ITPRID1: variants seen among roughly 807,000 people sequenced by gnomAD.
ITPRID1 encodes ITPR interacting domain containing 1.
A neutral mutation model predicts 95.4 loss-of-function variants in ITPRID1; 96 were observed. The observed-to-expected ratio is 1.01, with a 90% CI of 0.85 to 1.19. ITPRID1 has a LOEUF of 1.19. ITPRID1 is among the 50% of genes most tolerant of loss of function. The pLI is 0.00. For missense variants in ITPRID1, 1,339 were observed against 1,252.9 expected, an observed-to-expected ratio of 1.07 and a Z score of -1.04; for synonymous variants, 510 against 453.6, an observed-to-expected ratio of 1.12 and a Z score of -1.58.
In ITPRID1 at chr7:31,577,998, C is replaced by T. The variant is rs868039425; in HGVS notation, c.734C>T (p.Ala245Val). Reference protein sequence around the residue: ...GESVQRTSVSAAKEHRRRMGK... With the variant: ...GESVQRTSVSVAKEHRRRMGK... ...AGTGTGCAAAGAACCTCAGTGAGTG[C>T]CGCCAAAGAGCATCGAAGAAGAATG... The change falls in exon 9 of 15, where the codon GCC becomes GTC. Residue 245 changes from alanine (A) to valine (V), a missense_variant. Transcript: ENST00000615280. 6.2e-7 allele frequency: 1 copy of T among 1,613,562 alleles called. No homozygotes were observed. The highest frequency in any genetic ancestry group is 1.7e-5 in the Admixed American group (1 of 59,948).
chr7:31,540,377 A>C (rs1432441142), intron 1 of ITPRID1, among the ~76,000 whole-genome samples: 14 of 152,216 alleles, frequency 9.2e-5, no homozygotes, highest in Non-Finnish European at 1.2e-4. Context: ...TTTTCAGTTC[A>C]TAGGGCTTCA....
chr7:31,638,899 C>T (rs1397637434), intron 10 of ITPRID1, among the ~76,000 whole-genome samples: 2 of 152,110 alleles, frequency 1.3e-5, no homozygotes, highest in African/African-American at 2.4e-5. Flanking sequence ...GCCTTAGCCT[C>T]CCAAGTAGCT....
chr7:31,604,524 G>T (rs922216394), intron 10 of ITPRID1, among the ~76,000 whole-genome samples: 4 of 152,166 alleles, frequency 2.6e-5, no homozygotes, highest in African/African-American at 9.7e-5. Context: ...TGTTCTAAGG[G>T]AGTATTAAAA....
chr7:31,516,497 G>C (rs1783044520), intron 1 of ITPRID1, among the ~76,000 whole-genome samples: 4 of 152,202 alleles, frequency 2.6e-5, no homozygotes, highest in Admixed American at 2.6e-4. Flanking sequence ...ATCCCAGGGA[G>C]GGTAGTAGAC....
chr7:31,533,585 T>C (rs1416189522), intron 1 of ITPRID1, among the ~76,000 whole-genome samples: 1 of 152,206 alleles, frequency 6.6e-6, no homozygotes, highest in Non-Finnish European at 1.5e-5. Context: ...ATTTCTTATG[T>C]TCCAATATAT....
Position 31,652,940 on chromosome 7 carries a change from A to T in ITPRID1, c.*111A>T. On this transcript the variant is annotated 3_prime_UTR_variant, in exon 15 of 15. Coordinates refer to ENST00000615280, the MANE Select transcript of ITPRID1 (RefSeq NM_001257967.3). ...AGGGTCTGCCAACCCATTGTCAGCTATATCTCTCATATTCTACCCTTTGGT... is the reference window on the plus strand; with the variant it reads ...AGGGTCTGCCAACCCATTGTCAGCTTTATCTCTCATATTCTACCCTTTGGT... 1 of 1,500,048 alleles carries T rather than the reference A, an allele frequency of 6.7e-7. No homozygotes were observed. Among genetic ancestry groups the T allele is most frequent in the Admixed American group, 2.3e-5 (1 of 42,700 alleles). The allele number at this position is 1,500,048 out of a possible 1,614,324, so 92.9% of individuals were successfully genotyped here.
At chr7:31,583,015 G>C (rs1785460232) in intron 9 of ITPRID1, 119 bp from the exon 10 acceptor site, 8 of 620,850 alleles carry the variant, frequency 1.3e-5, no homozygotes, top group Non-Finnish European at 2.0e-5. Context: ...CAAGTTATTT[G>C]AGTTCAGGAA....
At chr7:31,618,734 A>C (rs1053022958) in intron 10 of ITPRID1, among the ~76,000 whole-genome samples, 1 of 152,236 alleles carries the variant, frequency 6.6e-6, no homozygotes, top group African/African-American at 2.4e-5. Context: ...TTAAAAGCTA[A>C]GCAACTTGCT....
At position 31,643,246 on chromosome 7, in the gene ITPRID1, T is replaced by C; in HGVS notation, c.1876T>C (p.Cys626Arg). 2 of 1,613,848 alleles carry C rather than the reference T, an allele frequency of 1.2e-6. No homozygotes were observed. The highest frequency in any genetic ancestry group is 2.2e-5 in the South Asian group (2 of 91,068). Residue 626 changes from cysteine (C) to arginine (R), a missense_variant, in exon 12 of 15, where the codon TGT becomes CGT. Coordinates refer to ENST00000615280, the MANE Select transcript of ITPRID1 (RefSeq NM_001257967.3). ...ACGAGAAGAGGAAAGCAGTGGATTC[T>C]GTCCTCACACCAACCACAGCTTACT... ...APREEESSGFCPHTNHSLLVP... is the reference protein window; with the variant it reads ...APREEESSGFRPHTNHSLLVP...
chr7:31,542,001 AT>A (rs1783948628), intron 1 of ITPRID1, among the ~76,000 whole-genome samples: 1 of 152,134 alleles, frequency 6.6e-6, no homozygotes, highest in Non-Finnish European at 1.5e-5. Context: ...TTAAACCTTC[AT>A]TTTTATTTTA....
At chr7:31,639,373 C>CTA (rs1434794389) in intron 10 of ITPRID1, among the ~76,000 whole-genome samples, 2 of 151,418 alleles carry the variant, frequency 1.3e-5, no homozygotes, top group Non-Finnish European at 2.9e-5. Flanking sequence ...CTCTAATCTG[C>CTA]TATATATATC....
intron 13 of ITPRID1, among the ~76,000 whole-genome samples, chr7:31,651,541 G>A (rs1008266): frequency 0.72 from 109,465 of 151,960 alleles, 40,006 homozygotes; most frequent in East Asian, 0.82. Flanking sequence ...GATGGGGCTC[G>A]TGCAAATGCA....
At chr7:31,574,424 C>G (rs1002727571) in intron 7 of ITPRID1, 116 bp from the exon 8 acceptor site, 2 of 899,944 alleles carry the variant, frequency 2.2e-6, no homozygotes, top group Admixed American at 2.0e-5. Context: ...CACCGTTTGT[C>G]TATTTAGGAT....
chr7:31,553,056 A>G lies in ITPRID1; in HGVS notation c.32A>G (p.Asn11Ser), dbSNP rs1784334495. The G allele has an allele frequency of 1.2e-6, 2 of 1,609,810 alleles. No individual in the cohort carries two copies. The highest frequency in any genetic ancestry group is 2.2e-5 in the East Asian group (1 of 44,650). Residue 11 changes from asparagine to serine, a missense_variant, in exon 3 of 15, where the codon AAC (asparagine) becomes AGC (serine). Physicochemically the swap from Asn to Ser is conservative, Grantham distance 46 (BLOSUM62 1). Coordinates refer to ENST00000615280, the MANE Select transcript of ITPRID1 (RefSeq NM_001257967.3). MMAQKSQGSD[N>S]LQEGQEKSKR... is the part of the protein sequence containing the mutation. ...GCACAGAAATCACAAGGATCTGACAACCTTCAGGAAGGCCAGGAAAAGAGC... is the reference window on the plus strand; with the variant it reads ...GCACAGAAATCACAAGGATCTGACAGCCTTCAGGAAGGCCAGGAAAAGAGC...
intron 12 of ITPRID1, among the ~76,000 whole-genome samples, chr7:31,647,400 G>A (rs966783995): frequency 9.2e-5 from 14 of 151,904 alleles, no homozygotes; most frequent in African/African-American, 2.7e-4. Flanking sequence ...GGTGGCTCAC[G>A]CCTGTAATCC....
At chr7:31,616,465 G>A (rs1787240281) in intron 10 of ITPRID1, among the ~76,000 whole-genome samples, 1 of 152,104 alleles carries the variant, frequency 6.6e-6, no homozygotes, top group South Asian at 2.1e-4. Flanking sequence ...TTGTGTTAAA[G>A]TGATGTATTA....
intron 5 of ITPRID1, among the ~76,000 whole-genome samples, chr7:31,562,230 A>G (rs1312537146): frequency 1.3e-5 from 2 of 152,132 alleles, no homozygotes; most frequent in Non-Finnish European, 2.9e-5. Flanking sequence ...TAAGACACAT[A>G]CAATGAGTGC....
intron 10 of ITPRID1, among the ~76,000 whole-genome samples, chr7:31,627,669 A>AAAAAAAG (rs1788598995): frequency 6.6e-6 from 1 of 151,336 alleles, no homozygotes; most frequent in Non-Finnish European, 1.5e-5. Flanking sequence ...CAAAAAAAAA[A>AAAAAAAG]AAAAAAAAAA....
intron 14 of ITPRID1, 82 bp downstream of exon 14, chr7:31,652,132 A>G (rs993278413): frequency 4.3e-5 from 44 of 1,034,924 alleles, no homozygotes; most frequent in African/African-American, 1.8e-4. Context: ...TGATTGTGCA[A>G]TCATTTCAGA....
Sources: gnomAD v4.1 joint callset for allele counts (sites outside exome capture counted in the v4.1 genomes callset) on GRCh38, gnomAD v4.1.1 for gene constraint, MANE v1.5 for transcripts, NCBI Gene and HGNC (gene_info 2026-07-23, HGNC 2026-07-21) for gene names.